The following TENM4 variants were observed in gnomAD, a reference collection of about 807,000 sequenced individuals.
TENM4 encodes the protein teneurin transmembrane protein 4.
In TENM4, 82 loss-of-function variants were observed where a neutral mutation model predicts 243.3. That is an observed-to-expected ratio of 0.34 (90% CI 0.28 to 0.40). TENM4 has a LOEUF of 0.40. Among genes scored for constraint, TENM4 ranks in the 10% least tolerant of loss-of-function variants. TENM4 has a pLI of 1.00. For missense variants in TENM4, 3,138 were observed against 3,673.3 expected, an observed-to-expected ratio of 0.85 and a Z score of 3.77; for synonymous variants, 1,412 against 1,456.3, an observed-to-expected ratio of 0.97 and a Z score of 0.69.
chr11:79,199,115 C>T (rs1486685379), intron 3 of TENM4, among the ~76,000 whole-genome samples: 1 of 152,102 alleles, frequency 6.6e-6, no homozygotes, highest in Non-Finnish European at 1.5e-5. Flanking sequence ...GTTCATTATA[C>T]AAATACTCGT....
chr11:78,975,419 G>T (rs187568039), intron 6 of TENM4, among the ~76,000 whole-genome samples: 5 of 152,184 alleles, frequency 3.3e-5, no homozygotes, highest in Non-Finnish European at 7.4e-5. Flanking sequence ...AAAATCTGCT[G>T]GCCAACGTGA....
chr11:78,770,800 A>G lies in TENM4; in HGVS notation c.2539+192T>C, dbSNP rs560994005. Among the ~76,000 whole-genome samples the G allele has an allele frequency of 2.6e-4, 39 of 152,338 alleles. 1 individual carries two copies. The highest frequency in any genetic ancestry group is 7.9e-4 in the African/African-American group (33 of 41,574). The stretch of plus-strand genomic sequence containing the variant: ...CTTTCATTTACATTAGTTAATTTCA[A>G]TTGATTCAAATGGAACACCTGTGAT... On this transcript the variant is annotated intron_variant, in intron 18 of 33. Coordinates refer to ENST00000278550, the MANE Select transcript of TENM4 (RefSeq NM_001098816.3).
chr11:78,826,462 C>T (rs1857854361), intron 12 of TENM4, among the ~76,000 whole-genome samples: 1 of 152,116 alleles, frequency 6.6e-6, no homozygotes, highest in Non-Finnish European at 1.5e-5. Context: ...TAGAGACTTA[C>T]AGGTAAAAAC....
At chr11:78,705,907 AC>A (rs1859236644) in intron 27 of TENM4, among the ~76,000 whole-genome samples, 1 of 152,236 alleles carries the variant, frequency 6.6e-6, no homozygotes, top group Admixed American at 6.5e-5. Context: ...GAGACAATGT[AC>A]AAGGAAGTTT....
At chr11:79,078,933 G>A (rs888120276) in intron 4 of TENM4, among the ~76,000 whole-genome samples, 16 of 152,216 alleles carry the variant, frequency 1.1e-4, no homozygotes, top group African/African-American at 3.6e-4. Context: ...AACCTACACT[G>A]CTTCCTGCAT....
At chr11:79,040,271 A>G (rs949109008) in intron 6 of TENM4, among the ~76,000 whole-genome samples, 15 of 152,234 alleles carry the variant, frequency 9.9e-5, no homozygotes, top group Non-Finnish European at 2.1e-4. Context: ...GCAATTGAAG[A>G]GACAAAGAAT....
intron 3 of TENM4, among the ~76,000 whole-genome samples, chr11:79,175,389 G>T (rs1292508228): frequency 2.0e-5 from 3 of 152,166 alleles, no homozygotes; most frequent in Non-Finnish European, 4.4e-5. Flanking sequence ...TATCAGTGCT[G>T]GGTACTCATT....
At chr11:78,806,988 T>C (rs187718821) in intron 14 of TENM4, among the ~76,000 whole-genome samples, 25 of 152,366 alleles carry the variant, frequency 1.6e-4, no homozygotes, top group African/African-American at 6.0e-4. Context: ...CTTGTCATAA[T>C]ACCTTCAAGG....
intron 1 of TENM4, among the ~76,000 whole-genome samples, chr11:79,372,670 C>T (rs956712931): frequency 6.6e-6 from 1 of 152,192 alleles, no homozygotes; most frequent in African/African-American, 2.4e-5. Flanking sequence ...CTAAGCATCA[C>T]TTTCCTCTTC....
chr11:78,789,666 C>T (rs1857013946), intron 15 of TENM4, among the ~76,000 whole-genome samples: 1 of 152,134 alleles, frequency 6.6e-6, no homozygotes, highest in Non-Finnish European at 1.5e-5. Flanking sequence ...ATACTATTCA[C>T]TGAGGTGTGA....
At chr11:78,854,598 C>T (rs1224627543) in intron 11 of TENM4, among the ~76,000 whole-genome samples, 2 of 152,048 alleles carry the variant, frequency 1.3e-5, no homozygotes, top group African/African-American at 2.4e-5. Context: ...GTGAATCTTC[C>T]CCTGGCTGAG....
At chr11:78,764,222 C>T (rs1424267674) in intron 18 of TENM4, among the ~76,000 whole-genome samples, 1 of 152,222 alleles carries the variant, frequency 6.6e-6, no homozygotes, top group African/African-American at 2.4e-5. Flanking sequence ...GGGGCAAGGC[C>T]AACCTTCTCA....
intron 25 of TENM4, 76 bp downstream of exon 25, chr11:78,720,294 A>G: frequency 6.5e-7 from 1 of 1,539,348 alleles, no homozygotes; most frequent in Non-Finnish European, 9.0e-7. Flanking sequence ...GCCATTTGAA[A>G]TTGACATGTG....
chr11:78,942,132 TC>T (rs1367170007), intron 6 of TENM4, among the ~76,000 whole-genome samples: 1 of 148,466 alleles, frequency 6.7e-6, no homozygotes, highest in East Asian at 2.0e-4. Flanking sequence ...AAAAATCACT[TC>T]TGGGTGTGGT....
intron 1 of TENM4, among the ~76,000 whole-genome samples, chr11:79,355,741 T>C (rs1462909235): frequency 2.0e-5 from 3 of 152,128 alleles, no homozygotes; most frequent in Non-Finnish European, 4.4e-5. Context: ...CAGCCTCCCA[T>C]TTTACAGAAG....
At chr11:79,041,886 C>A (rs999387957) in intron 6 of TENM4, among the ~76,000 whole-genome samples, 5 of 152,194 alleles carry the variant, frequency 3.3e-5, no homozygotes, top group African/African-American at 1.2e-4. Context: ...CCTCGCAGGG[C>A]TCAGGGTCTG....
intron 27 of TENM4, among the ~76,000 whole-genome samples, chr11:78,707,675 T>C (rs1195164681): frequency 2.0e-5 from 3 of 152,252 alleles, no homozygotes; most frequent in African/African-American, 4.8e-5. Flanking sequence ...ATTCAACCTG[T>C]AAAACTTGCA....
chr11:79,339,871 G>A (rs1303980679), intron 1 of TENM4, among the ~76,000 whole-genome samples: 1 of 152,190 alleles, frequency 6.6e-6, no homozygotes, highest in African/African-American at 2.4e-5. Flanking sequence ...AGTGTGGGAA[G>A]CTGCCAAGCT....
chr11:78,717,994 G>A (rs1859560393), intron 25 of TENM4, among the ~76,000 whole-genome samples: 1 of 152,234 alleles, frequency 6.6e-6, no homozygotes, highest in South Asian at 2.1e-4. Context: ...GGCTGGCACT[G>A]AGGCTGGAAA....
Sources: allele counts gnomAD v4.1 joint callset (sites outside exome capture counted in the v4.1 genomes callset), GRCh38; gene constraint gnomAD v4.1.1; transcripts MANE v1.5; gene names NCBI Gene and HGNC (gene_info 2026-07-23, HGNC 2026-07-21).